KANK1: variants seen among roughly 807,000 people sequenced by gnomAD.
KANK1 encodes KN motif and ankyrin repeat domain-containing protein 1.
KANK1 carries 109 observed loss-of-function variants against 106.2 expected under a neutral mutation model. The ratio of observed to expected loss-of-function variants is 1.03; its 90% confidence interval spans 0.88 to 1.20. The LOEUF (loss-of-function observed/expected upper bound fraction) is 1.20, where lower values mean the gene tolerates loss of function less well. KANK1 is among the 50% of genes most tolerant of loss of function. KANK1 has a pLI of 0.00. For missense variants in KANK1, 2,399 were observed against 1,710.7 expected (o/e 1.40, Z -7.10); for synonymous variants, 873 against 652.2 (o/e 1.34, Z -5.16).
At chr9:654,681 A>G (rs7028305) in intron 1 of KANK1, among the ~76,000 whole-genome samples, 43,408 of 152,004 alleles carry the variant, frequency 0.29, 9,263 homozygotes, top group African/African-American at 0.56. Context: ...TAAGACATAA[A>G]TATTTTTGTT....
intron 1 of KANK1, among the ~76,000 whole-genome samples, chr9:576,462 C>G (rs528756361): frequency 6.6e-6 from 1 of 152,332 alleles, no homozygotes; most frequent in South Asian, 2.1e-4. Context: ...CCACAGTTCC[C>G]TTGCATTTAG....
chr9:715,620 AC>A (rs1284949659), intron 3 of KANK1, among the ~76,000 whole-genome samples: 1 of 152,210 alleles, frequency 6.6e-6, no homozygotes, highest in Non-Finnish European at 1.5e-5. Context: ...GCTAACAAAC[AC>A]CTAATTAATC....
Position 474,940 on chromosome 9 carries a change from G to A in KANK1, c.-362+1667G>A, listed in dbSNP as rs566185564. ...GTGTACTTGTTACAGTAGATAGGCA[G>A]ACATGTGCAGTGCAGGAGAGGGCCC... On this transcript the variant is annotated intron_variant, in intron 3 of 15. Coordinates refer to the KANK1 transcript ENST00000382303. Among the ~76,000 whole-genome samples, 12 of 152,314 alleles carry A rather than the reference G, an allele frequency of 7.9e-5. No homozygotes were observed. The South Asian group carries it at 2.5e-3, about 32-fold the overall frequency.
At chr9:511,202 T>G (rs2059014446) in intron 1 of KANK1, among the ~76,000 whole-genome samples, 1 of 152,154 alleles carries the variant, frequency 6.6e-6, no homozygotes, top group African/African-American at 2.4e-5. Context: ...TGGGTGGGAA[T>G]TAGAGTAAAG....
intron 1 of KANK1, among the ~76,000 whole-genome samples, chr9:529,234 T>TATATATACACAC (rs1554613765): frequency 4.0e-5 from 6 of 148,704 alleles, no homozygotes; most frequent in African/African-American, 1.5e-4. Flanking sequence ...TATATATATA[T>TATATATACACAC]ACACACACAC....
At chr9:482,138 C>T (rs377106050) in intron 3 of KANK1, among the ~76,000 whole-genome samples, 10 of 152,150 alleles carry the variant, frequency 6.6e-5, no homozygotes, top group East Asian at 1.9e-4. Context: ...GAGCCCTTAG[C>T]GCTCCCCTTG....
chr9:706,699 T>C (rs1253841898), intron 2 of KANK1: 2 of 756,726 alleles, frequency 2.6e-6, no homozygotes, highest in African/African-American at 3.8e-5. Flanking sequence ...TGATAAAGGA[T>C]AACTACTTGC....
At chr9:515,777 G>GT (rs1295772762) in intron 1 of KANK1, among the ~76,000 whole-genome samples, 1 of 151,808 alleles carries the variant, frequency 6.6e-6, no homozygotes, top group Non-Finnish European at 1.5e-5. Context: ...AATTGTTAAC[G>GT]TAGGGATAAG....
intron 2 of KANK1, among the ~76,000 whole-genome samples, chr9:686,556 C>A (rs1818622477): frequency 6.6e-6 from 1 of 152,204 alleles, no homozygotes; most frequent in African/African-American, 2.4e-5. Context: ...GCATGTCAAA[C>A]CATTTCAACA....
intron 1 of KANK1, among the ~76,000 whole-genome samples, chr9:666,977 G>A (rs888520950): frequency 1.8e-5 from 2 of 108,252 alleles, no homozygotes; most frequent in African/African-American, 7.2e-5. Flanking sequence ...TGCCGGATGA[G>A]TTTGAGCATT....
At chr9:516,858 TC>T (rs2059300356) in intron 1 of KANK1, among the ~76,000 whole-genome samples, 1 of 151,664 alleles carries the variant, frequency 6.6e-6, no homozygotes, top group South Asian at 2.1e-4. Flanking sequence ...TACCTGTCCT[TC>T]AGGTGATTAG....
At chr9:668,651 T>C (rs1845218944) in intron 1 of KANK1, among the ~76,000 whole-genome samples, 2 of 152,152 alleles carry the variant, frequency 1.3e-5, no homozygotes, top group South Asian at 4.1e-4. Context: ...GTTTTTACAT[T>C]GTGGTTACCA....
chr9:577,503 C>T (rs1208358112), intron 1 of KANK1, among the ~76,000 whole-genome samples: 1 of 152,162 alleles, frequency 6.6e-6, no homozygotes, highest in African/African-American at 2.4e-5. Flanking sequence ...TGTTTACAAT[C>T]CTTTAACTAG....
At chr9:585,397 G>A (rs1264904766) in intron 1 of KANK1, among the ~76,000 whole-genome samples, 1 of 152,188 alleles carries the variant, frequency 6.6e-6, no homozygotes, top group East Asian at 1.9e-4. Context: ...ACAGCTGTCA[G>A]ATTGTCTACC....
intron 1 of KANK1, among the ~76,000 whole-genome samples, chr9:629,593 A>C (rs1835182958): frequency 6.6e-6 from 1 of 152,150 alleles, no homozygotes; most frequent in South Asian, 2.1e-4. Flanking sequence ...ACATCCAAAC[A>C]CATCCTGAGA....
At chr9:662,689 T>A (rs1308862792) in intron 1 of KANK1, among the ~76,000 whole-genome samples, 2 of 129,068 alleles carry the variant, frequency 1.5e-5, no homozygotes, top group Non-Finnish European at 3.1e-5. Context: ...TGAGACAGGG[T>A]CTTGCTCTGT....
intron 1 of KANK1, among the ~76,000 whole-genome samples, chr9:604,911 A>T (rs931338718): frequency 6.6e-6 from 1 of 151,862 alleles, no homozygotes; most frequent in Non-Finnish European, 1.5e-5. Context: ...TTCTTCATAA[A>T]TTGCTCAGTC....
intron 1 of KANK1, among the ~76,000 whole-genome samples, chr9:516,782 T>G (rs140385530): frequency 6.6e-6 from 1 of 151,830 alleles, no homozygotes; most frequent in East Asian, 1.9e-4. Context: ...ACTAAGGCTG[T>G]CAGATCTGCA....
chr9:572,266 C>T (rs111260258), intron 1 of KANK1, among the ~76,000 whole-genome samples: 1 of 151,268 alleles, frequency 6.6e-6, no homozygotes, highest in South Asian at 2.1e-4. Flanking sequence ...AGGCATCCTC[C>T]TGCCTCAGCC....
Sources: gnomAD v4.1 joint callset for allele counts (sites outside exome capture counted in the v4.1 genomes callset) on GRCh38, gnomAD v4.1.1 for gene constraint, MANE v1.5 for transcripts, NCBI Gene and HGNC (gene_info 2026-07-23, HGNC 2026-07-21) for gene names.